CACNG2: variants seen among roughly 807,000 people sequenced by gnomAD.
CACNG2 encodes voltage-dependent calcium channel gamma-2 subunit.
A neutral mutation model predicts 25.9 loss-of-function variants in CACNG2; 3 were observed. That is an observed-to-expected ratio of 0.12 (90% CI 0.05 to 0.30). CACNG2 has a LOEUF of 0.30. Ranked by LOEUF, CACNG2 falls within the 10% of genes least tolerant of loss-of-function variation. The pLI is 1.00. For missense variants in CACNG2, 341 were observed against 432.5 expected (o/e 0.79, Z 1.88); for synonymous variants, 167 against 173.3 (o/e 0.96, Z 0.29).
intron 1 of CACNG2, among the ~76,000 whole-genome samples, chr22:36,682,858 C>T (rs966208688): frequency 2.0e-5 from 3 of 152,284 alleles, no homozygotes; most frequent in East Asian, 1.9e-4. Context: ...CCGGCATGGA[C>T]GGCTCTCACT....
chr22:36,643,671 A>G (rs1936477707), intron 1 of CACNG2, among the ~76,000 whole-genome samples: 1 of 152,200 alleles, frequency 6.6e-6, no homozygotes, highest in South Asian at 2.1e-4. Flanking sequence ...CAGTGTTGCT[A>G]ATGCTACTCT....
Position 36,629,135 on chromosome 22 carries a change from A to T in CACNG2, c.212-41587T>A, listed in dbSNP as rs1936229635. Among the ~76,000 whole-genome samples, 3 of 152,350 alleles carry T rather than the reference A, an allele frequency of 2.0e-5. No individual in the cohort carries two copies. The South Asian group carries it at 6.2e-4, about 32-fold the overall frequency. ...AGGGGAACATTGGGAGGGAATTAGGATGCTCTTCAAAATCCCAAACTTGGA... is the reference window on the plus strand; with the variant it reads ...AGGGGAACATTGGGAGGGAATTAGGTTGCTCTTCAAAATCCCAAACTTGGA... On this transcript the variant is annotated intron_variant, in intron 1 of 3. Transcript: ENST00000300105.
At chr22:36,698,855 CT>C (rs1937374357) in intron 1 of CACNG2, among the ~76,000 whole-genome samples, 1 of 152,056 alleles carries the variant, frequency 6.6e-6, no homozygotes, top group Admixed American at 6.6e-5. Context: ...TCTGGAAATC[CT>C]TTGGGGGAGC....
intron 1 of CACNG2, among the ~76,000 whole-genome samples, chr22:36,659,568 G>C (rs1936758329): frequency 6.6e-6 from 1 of 151,112 alleles, no homozygotes; most frequent in Non-Finnish European, 1.5e-5. Flanking sequence ...TGTGACCCGG[G>C]CTGAGGGGCA....
At chr22:36,568,657 G>A (rs1033751278) in intron 2 of CACNG2, among the ~76,000 whole-genome samples, 3 of 152,014 alleles carry the variant, frequency 2.0e-5, no homozygotes, top group Non-Finnish European at 2.9e-5. Flanking sequence ...TGCCCGCCTC[G>A]GCCTCCCAAA....
chr22:36,598,954 G>A (rs575318935), intron 1 of CACNG2, among the ~76,000 whole-genome samples: 3 of 152,276 alleles, frequency 2.0e-5, no homozygotes, highest in Middle Eastern at 3.4e-3. Context: ...CTCCAGCCTG[G>A]GTGACAGAGT....
At chr22:36,565,595 T>C (rs572905087) in intron 3 of CACNG2, among the ~76,000 whole-genome samples, 128 of 152,166 alleles carry the variant, frequency 8.4e-4, no homozygotes, top group African/African-American at 2.9e-3. Flanking sequence ...CCTCCCACCT[T>C]AGCCTCTCTA....
At chr22:36,692,155 G>GGGGCA (rs1937274407) in intron 1 of CACNG2, among the ~76,000 whole-genome samples, 1 of 152,174 alleles carries the variant, frequency 6.6e-6, no homozygotes, top group South Asian at 2.1e-4. Context: ...GGCTGGCACT[G>GGGGCA]GGGCATTGAA....
intron 1 of CACNG2, among the ~76,000 whole-genome samples, chr22:36,692,400 G>A (rs774843891): frequency 1.3e-5 from 2 of 152,146 alleles, no homozygotes; most frequent in African/African-American, 4.8e-5. Context: ...CTCTGGGCCC[G>A]GCAGTAACTA....
intron 2 of CACNG2, among the ~76,000 whole-genome samples, chr22:36,581,459 T>A (rs1298508500): frequency 6.6e-6 from 1 of 152,212 alleles, no homozygotes; most frequent in Non-Finnish European, 1.5e-5. Context: ...CCTGCTGGCT[T>A]GAGCGCGGTG....
At chr22:36,631,858 T>TG (rs1936277991) in intron 1 of CACNG2, among the ~76,000 whole-genome samples, 1 of 151,700 alleles carries the variant, frequency 6.6e-6, no homozygotes. Flanking sequence ...AGCAGAGACA[T>TG]GGGCTCTCTG....
chr22:36,692,283 G>T (rs2146015609), intron 1 of CACNG2, among the ~76,000 whole-genome samples: 1 of 152,330 alleles, frequency 6.6e-6, no homozygotes, highest in South Asian at 2.1e-4. Context: ...GCCGAAGGAA[G>T]GCTACCCAAG....
chr22:36,644,360 T>G (rs757418647), intron 1 of CACNG2, among the ~76,000 whole-genome samples: 1 of 152,218 alleles, frequency 6.6e-6, no homozygotes, highest in Admixed American at 6.5e-5. Context: ...GCCTCACCCC[T>G]TTATAGCAGA....
At position 36,661,966 on chromosome 22, in the gene CACNG2, C is replaced by CTTTTTTTTT. The variant is rs71193254; in HGVS notation, c.211+40391_211+40399dup. On this transcript the variant is annotated intron_variant, in intron 1 of 3. Transcript: ENST00000300105. ...TGCTTCCTATGGACTCATTGCTATT[C>CTTTTTTTTT]TTTTTTTTTTTTTTTTTTTTTTTTT... 4.7e-4 allele frequency among the ~76,000 whole-genome samples: 21 copies of CTTTTTTTTT among 44,586 alleles called. 4 individuals carry two copies. The highest frequency in any genetic ancestry group is 3.2e-3 in the South Asian group (2 of 618). The allele number at this position is 44,586 out of a possible 152,430, so 29.3% of individuals were successfully genotyped here.
intron 2 of CACNG2, among the ~76,000 whole-genome samples, chr22:36,576,136 A>G (rs948021151): frequency 6.6e-6 from 1 of 152,234 alleles, no homozygotes; most frequent in African/African-American, 2.4e-5. Context: ...CAACCCAAAT[A>G]CCTATCCATC....
chr22:36,575,744 T>C (rs1196654039), intron 2 of CACNG2, among the ~76,000 whole-genome samples: 1 of 152,212 alleles, frequency 6.6e-6, no homozygotes, highest in Non-Finnish European at 1.5e-5. Flanking sequence ...AGCCAGGCCA[T>C]GCTGCTGCCT....
At chr22:36,656,742 C>A (rs1044788224) in intron 1 of CACNG2, among the ~76,000 whole-genome samples, 1 of 152,216 alleles carries the variant, frequency 6.6e-6, no homozygotes, top group African/African-American at 2.4e-5. Flanking sequence ...CTGTTACTTT[C>A]GCCTTGAGAC....
intron 1 of CACNG2, among the ~76,000 whole-genome samples, chr22:36,654,486 C>T (rs1485351649): frequency 1.3e-5 from 2 of 152,060 alleles, no homozygotes; most frequent in Non-Finnish European, 2.9e-5. Context: ...CCTGCCTTGG[C>T]CTCCAAAAGT....
intron 1 of CACNG2, among the ~76,000 whole-genome samples, chr22:36,695,747 G>C (rs991230778): frequency 2.6e-5 from 4 of 152,064 alleles, no homozygotes; most frequent in Non-Finnish European, 4.4e-5. Context: ...GCACTTATCA[G>C]AGCTGTAATT....
Sources: gnomAD v4.1 joint callset for allele counts (sites outside exome capture counted in the v4.1 genomes callset) on GRCh38, gnomAD v4.1.1 for gene constraint, MANE v1.5 for transcripts, NCBI Gene and HGNC (gene_info 2026-07-23, HGNC 2026-07-21) for gene names.